The following AGBL1 variants were observed in gnomAD, a reference collection of about 807,000 sequenced individuals.
AGBL1 encodes the protein AGBL carboxypeptidase 1.
A neutral mutation model predicts 118.9 loss-of-function variants in AGBL1; 130 were observed. The ratio of observed to expected loss-of-function variants is 1.09; its 90% confidence interval spans 0.95 to 1.26. The LOEUF is 1.26. AGBL1 is among the 50% of genes most tolerant of loss of function. The pLI is 0.00. For synonymous variants in AGBL1, 555 were observed against 478.9 expected (o/e 1.16, Z -2.08); for missense variants, 1,584 against 1,298.1 (o/e 1.22, Z -3.38).
At chr15:86,965,855 G>A (rs991546573) in intron 23 of AGBL1, among the ~76,000 whole-genome samples, 3 of 152,072 alleles carry the variant, frequency 2.0e-5, no homozygotes, top group Non-Finnish European at 4.4e-5. Flanking sequence ...GCCTGTCAGG[G>A]GTTGAGGGCC....
intron 17 of AGBL1, among the ~76,000 whole-genome samples, chr15:86,298,729 C>A (rs1175296114): frequency 1.3e-5 from 2 of 152,104 alleles, no homozygotes; most frequent in Non-Finnish European, 2.9e-5. Flanking sequence ...GTCACTCACC[C>A]CTCATAAGGA....
intron 1 of AGBL1, among the ~76,000 whole-genome samples, chr15:86,095,736 G>GT (rs1896337398): frequency 6.7e-6 from 1 of 148,628 alleles, no homozygotes; most frequent in Admixed American, 6.8e-5. Context: ...ACTCTCTGTG[G>GT]TTGGGGGGAT....
At chr15:86,248,452 G>A (rs2078756749) in intron 7 of AGBL1, among the ~76,000 whole-genome samples, 1 of 152,198 alleles carries the variant, frequency 6.6e-6, no homozygotes, top group Non-Finnish European at 1.5e-5. Flanking sequence ...TAGAACTAGA[G>A]TACTGGATTC....
At chr15:86,881,801 A>T (rs11632406) in intron 22 of AGBL1, among the ~76,000 whole-genome samples, 22,678 of 152,028 alleles carry the variant, frequency 0.15, 1,940 homozygotes, top group South Asian at 0.24. Context: ...ACGCCCGACT[A>T]ATTTTTGTAT....
chr15:86,777,568 A>G (rs2078276232), intron 22 of AGBL1, among the ~76,000 whole-genome samples: 1 of 152,116 alleles, frequency 6.6e-6, no homozygotes. Context: ...AGATTTATTT[A>G]GGGAGAATTG....
chr15:86,192,585 C>T (rs1248664224), intron 5 of AGBL1, among the ~76,000 whole-genome samples: 3 of 152,034 alleles, frequency 2.0e-5, no homozygotes, highest in African/African-American at 7.2e-5. Context: ...TCCTTTGACC[C>T]AGAAATTTCA....
intron 1 of AGBL1, among the ~76,000 whole-genome samples, chr15:86,110,914 C>A (rs1407990005): frequency 6.6e-6 from 1 of 152,190 alleles, no homozygotes; most frequent in African/African-American, 2.4e-5. Context: ...GTAAACAAAT[C>A]CCGAGTTTTC....
At chr15:86,488,743 T>C (rs919832363) in intron 18 of AGBL1, among the ~76,000 whole-genome samples, 4 of 152,032 alleles carry the variant, frequency 2.6e-5, no homozygotes, top group Middle Eastern at 3.4e-3. Flanking sequence ...TCATCGCCCC[T>C]CTCTACCGGG....
At chr15:86,714,779 C>G (rs2086612932) in intron 22 of AGBL1, among the ~76,000 whole-genome samples, 1 of 152,046 alleles carries the variant, frequency 6.6e-6, no homozygotes, top group Admixed American at 6.5e-5. Context: ...CCCCATTCTA[C>G]CACGATGTAA....
At chr15:86,356,824 A>G (rs555349694) in intron 17 of AGBL1, among the ~76,000 whole-genome samples, 11 of 152,316 alleles carry the variant, frequency 7.2e-5, no homozygotes, top group Admixed American at 6.5e-4. Context: ...TGGAGAAGCA[A>G]GGCGATGCAG....
At chr15:86,747,316 T>C (rs945704724) in intron 22 of AGBL1, among the ~76,000 whole-genome samples, 5 of 152,110 alleles carry the variant, frequency 3.3e-5, no homozygotes, top group Non-Finnish European at 5.9e-5. Flanking sequence ...TGGTTGCTGA[T>C]GACATTTTGT....
chr15:86,486,441 C>G (rs2082714053), intron 18 of AGBL1, among the ~76,000 whole-genome samples: 1 of 152,082 alleles, frequency 6.6e-6, no homozygotes, highest in South Asian at 2.1e-4. Flanking sequence ...TGAATCACAT[C>G]ACTACATTTG....
chr15:86,285,620 C>G (rs544026835), intron 16 of AGBL1, among the ~76,000 whole-genome samples: 1 of 152,182 alleles, frequency 6.6e-6, no homozygotes, highest in Non-Finnish European at 1.5e-5. Flanking sequence ...TCGATTAAAC[C>G]TCTTTCCTTT....
At chr15:86,204,412 C>T (rs2077956039) in intron 5 of AGBL1, among the ~76,000 whole-genome samples, 1 of 152,146 alleles carries the variant, frequency 6.6e-6, no homozygotes, top group Non-Finnish European at 1.5e-5. Context: ...CCTGCACATG[C>T]AGAGCCCCCT....
chr15:86,982,191 C>G (rs572382152), intron 23 of AGBL1, among the ~76,000 whole-genome samples: 19 of 152,160 alleles, frequency 1.2e-4, no homozygotes, highest in African/African-American at 4.6e-4. Context: ...TATATTTAAT[C>G]ATATAGTTAT....
intron 15 of AGBL1, among the ~76,000 whole-genome samples, chr15:86,275,973 G>T (rs1038876295): frequency 1.8e-4 from 27 of 152,134 alleles, no homozygotes; most frequent in African/African-American, 6.5e-4. Context: ...GTGTTCTGAA[G>T]ATAAAATAAC....
intron 22 of AGBL1, among the ~76,000 whole-genome samples, chr15:86,739,673 T>C (rs2077650362): frequency 6.6e-6 from 1 of 152,040 alleles, no homozygotes; most frequent in Admixed American, 6.6e-5. Context: ...ATAACAGACT[T>C]ACCTTGGCAC....
chr15:86,945,323 GA>G (rs1287723870), intron 23 of AGBL1, among the ~76,000 whole-genome samples: 1 of 148,730 alleles, frequency 6.7e-6, no homozygotes, highest in Non-Finnish European at 1.5e-5. Flanking sequence ...TAAAGATAGA[GA>G]AAAAAAGTTT....
rs1029425839 is a variant in AGBL1 at position 86,923,295 on chromosome 15, A to T, written c.3222-64692A>T. Among the ~76,000 whole-genome samples the T allele has an allele frequency of 4.6e-5, 7 of 152,332 alleles. No homozygotes were observed. In the East Asian group the frequency reaches 9.7e-4, roughly 21 times the overall value. ...TGTCCATATGATGTATCAGCTTGAC[A>T]TTCAAAAGCCTCTACAATTTAGCTC... On this transcript the variant is annotated intron_variant, in intron 23 of 24. Transcript: ENST00000441037.
Sources: allele counts gnomAD v4.1 joint callset (sites outside exome capture counted in the v4.1 genomes callset), GRCh38; gene constraint gnomAD v4.1.1; transcripts MANE v1.5; gene names NCBI Gene and HGNC (gene_info 2026-07-23, HGNC 2026-07-21).